The following PARG variants were observed in gnomAD, a reference collection of about 807,000 sequenced individuals.
PARG encodes the protein poly(ADP-ribose) glycohydrolase.
PARG carries 35 observed loss-of-function variants against 113.0 expected under a neutral mutation model. The ratio of observed to expected loss-of-function variants is 0.31; its 90% CI spans 0.24 to 0.41. The LOEUF (loss-of-function observed/expected upper bound fraction) is 0.41, where lower values mean the gene tolerates loss of function less well. PARG is among the 10% of genes least tolerant of loss of function. The probability of loss-of-function intolerance (pLI) is 1.00; values close to 1 mark genes in which losing one functional copy is unlikely to be tolerated. For synonymous variants in PARG, 330 were observed against 409.9 expected (o/e 0.81, Z 2.36); for missense variants, 797 against 1,169.4 (o/e 0.68, Z 4.64).
At chr10:49,830,107 T>G (rs1844582198) in intron 16 of PARG, among the ~76,000 whole-genome samples, 1 of 152,142 alleles carries the variant, frequency 6.6e-6, no homozygotes, top group African/African-American at 2.4e-5. Flanking sequence ...TGCTTGATAG[T>G]CACCAGAGCA....
intron 16 of PARG, among the ~76,000 whole-genome samples, chr10:49,824,424 C>T (rs782199277): frequency 2.0e-5 from 3 of 152,122 alleles, no homozygotes; most frequent in African/African-American, 2.4e-5. Flanking sequence ...ATAAAAACAT[C>T]GAATTCTAAC....
chr10:49,868,437 G>A (rs2132575310), intron 10 of PARG, among the ~76,000 whole-genome samples: 1 of 152,296 alleles, frequency 6.6e-6, no homozygotes, highest in South Asian at 2.1e-4. Flanking sequence ...TATCAGAGAA[G>A]CATGTAATTT....
intron 1 of PARG, among the ~76,000 whole-genome samples, chr10:49,937,392 C>T (rs1476098212): frequency 1.3e-5 from 2 of 151,494 alleles, no homozygotes; most frequent in Non-Finnish European, 2.9e-5. Context: ...AGGAGAATGG[C>T]GTGAACCCGG....
intron 7 of PARG, among the ~76,000 whole-genome samples, chr10:49,901,531 T>C (rs1848348677): frequency 6.6e-6 from 1 of 152,124 alleles, no homozygotes; most frequent in Admixed American, 6.5e-5. Context: ...TAATTCTTAA[T>C]TTAATTAAAT....
intron 7 of PARG, among the ~76,000 whole-genome samples, chr10:49,912,340 C>T (rs115759067): frequency 4.6e-3 from 704 of 152,018 alleles, no homozygotes; most frequent in East Asian, 0.019. Context: ...GAAAATATTG[C>T]GAAACCCTGC....
At chr10:49,839,011 T>C (rs556468004) in intron 15 of PARG, among the ~76,000 whole-genome samples, 12 of 152,308 alleles carry the variant, frequency 7.9e-5, no homozygotes, top group Admixed American at 5.9e-4. Flanking sequence ...TTCTAAAATA[T>C]TTACCTCAAA....
At chr10:49,824,612 ATGATTGATACTCACACCACAAGTGTGGTG>A (rs1348988533) in intron 16 of PARG, among the ~76,000 whole-genome samples, 2 of 152,164 alleles carry the variant, frequency 1.3e-5, no homozygotes, top group Non-Finnish European at 2.9e-5. Flanking sequence ...AATGGGTAAG[ATGATTGATACTCACACCACAAGTGTGGTG>A]TGAGGCCACC....
intron 11 of PARG, among the ~76,000 whole-genome samples, chr10:49,862,487 G>C (rs1291270056): frequency 6.6e-6 from 1 of 151,970 alleles, no homozygotes; most frequent in African/African-American, 2.4e-5. Context: ...ACTGAGAATT[G>C]TTTGATTCCT....
At chr10:49,879,223 G>T (rs1178092649) in intron 9 of PARG, among the ~76,000 whole-genome samples, 1 of 151,978 alleles carries the variant, frequency 6.6e-6, no homozygotes, top group Non-Finnish European at 1.5e-5. Flanking sequence ...AGTCTCATAA[G>T]ACAGCTCATG....
rs1345523999 is a variant in PARG, at chr10:49,843,551, C to T, written c.2432+3G>A. Reference sequence around the variant, plus strand: ...GGAATACTGAAGACAGAAACAGACTCACCTTTCACTCCCATCTTCGTGGCT... The same window carrying T: ...GGAATACTGAAGACAGAAACAGACTTACCTTTCACTCCCATCTTCGTGGCT... On this transcript the variant is annotated splice_donor_region_variant and intron_variant, in intron 14 of 17. Coordinates refer to ENST00000616448, the MANE Select transcript of PARG (RefSeq NM_003631.5). The T allele has an allele frequency of 7.1e-6, 11 of 1,543,914 alleles. No individual in the cohort carries two copies. Among genetic ancestry groups the T allele is most frequent in the Non-Finnish European group, 9.6e-6 (11 of 1,139,920 alleles).
intron 16 of PARG, among the ~76,000 whole-genome samples, chr10:49,824,720 T>C (rs782387504): frequency 2.6e-4 from 39 of 152,180 alleles, no homozygotes; most frequent in Non-Finnish European, 4.9e-4. Flanking sequence ...TTCTAGGAGC[T>C]TTACAAATAC....
At chr10:49,934,889 G>T (rs1838674949) in intron 2 of PARG, among the ~76,000 whole-genome samples, 187 bp downstream of exon 2, 1 of 151,700 alleles carries the variant, frequency 6.6e-6, no homozygotes, top group African/African-American at 2.4e-5. Context: ...TCTCATCTTG[G>T]TATCTCAAGT....
intron 4 of PARG, among the ~76,000 whole-genome samples, chr10:49,927,389 A>G (rs144791795): frequency 5.0e-4 from 31 of 62,584 alleles, no homozygotes; most frequent in Middle Eastern, 9.3e-3. Context: ...AAAGAAAGAA[A>G]GAAAGAAAGA....
chr10:49,884,467 C>T (rs1465173211), intron 8 of PARG, among the ~76,000 whole-genome samples: 11 of 152,248 alleles, frequency 7.2e-5, no homozygotes, highest in Non-Finnish European at 1.0e-4. Flanking sequence ...GGTGTGGTGG[C>T]GCACGCCTGT....
chr10:49,844,036 T>G (rs1218538372), intron 13 of PARG, among the ~76,000 whole-genome samples: 2 of 151,788 alleles, frequency 1.3e-5, no homozygotes, highest in Admixed American at 6.6e-5. Flanking sequence ...TCCCAGCTAC[T>G]AGGGGGGCTG....
At position 49,941,972 on chromosome 10, in the gene PARG, C is replaced by T. The variant is rs1839118027; in HGVS notation, c.-247G>A. ...GCCGCTTTGATTCGGGATTCGTTCA[C>T]TTTCCCACCACCGGAAAGCTGCCGT... On this transcript the variant is annotated 5_prime_UTR_variant, in exon 1 of 18. The change creates a new upstream start codon in the 5' untranslated region. Transcript: ENST00000616448. The T allele has an allele frequency of 1.1e-6, 1 of 912,444 alleles. No individual in the cohort carries two copies. The highest frequency in any genetic ancestry group is 2.1e-5 in the Admixed American group (1 of 46,912). The allele number at this position is 912,444 out of a possible 1,614,324, so 56.5% of individuals were successfully genotyped here. A position where few individuals can be genotyped will look rare whatever the true frequency, so the allele number is the denominator to read the frequency against.
chr10:49,885,526 T>C (rs539640745), intron 7 of PARG, among the ~76,000 whole-genome samples: 1 of 152,316 alleles, frequency 6.6e-6, no homozygotes, highest in African/African-American at 2.4e-5. Context: ...TTCACCTTAA[T>C]GCCCTCTGAA....
chr10:49,936,773 C>T (rs1838765310), intron 1 of PARG, among the ~76,000 whole-genome samples: 1 of 152,040 alleles, frequency 6.6e-6, no homozygotes, highest in African/African-American at 2.4e-5. Flanking sequence ...CAGATGCAGG[C>T]TCAAATATAC....
intron 13 of PARG, among the ~76,000 whole-genome samples, chr10:49,856,145 G>C (rs1158786277): frequency 7.9e-5 from 12 of 151,506 alleles, no homozygotes; most frequent in African/African-American, 1.2e-4. Flanking sequence ...TTAGCGTAAA[G>C]AAATCAAGAA....
Sources: gnomAD v4.1 joint callset for allele counts (sites outside exome capture counted in the v4.1 genomes callset) on GRCh38, gnomAD v4.1.1 for gene constraint, MANE v1.5 for transcripts, NCBI Gene and HGNC (gene_info 2026-07-23, HGNC 2026-07-21) for gene names.